Variants in SLC13A3 observed in about 807,000 individuals in gnomAD.
The protein encoded by SLC13A3 is solute carrier family 13 member 3, also known as Na(+)/dicarboxylate cotransporter 3.
Under a neutral mutation model 59.0 loss-of-function variants are expected in SLC13A3, and 40 were observed. The ratio of observed to expected loss-of-function variants is 0.68; its 90% CI spans 0.53 to 0.88. The LOEUF is 0.88. SLC13A3 is among the 40% of genes least tolerant of loss of function. The probability of loss-of-function intolerance (pLI) is 0.00; values close to 1 mark genes in which losing one functional copy is unlikely to be tolerated. For missense variants in SLC13A3, 699 were observed against 783.2 expected, an observed-to-expected ratio of 0.89 and a Z score of 1.28; for synonymous variants, 317 against 330.3, an observed-to-expected ratio of 0.96 and a Z score of 0.44.
chr20:46,573,108 C>T (rs1480231273), intron 10 of SLC13A3, among the ~76,000 whole-genome samples: 1 of 152,168 alleles, frequency 6.6e-6, no homozygotes, highest in Admixed American at 6.5e-5. Context: ...TTCCTTTGTT[C>T]CCTTTGAAGT....
At chr20:46,621,034 G>GAACT (rs1568941032) in intron 1 of SLC13A3, among the ~76,000 whole-genome samples, 1 of 152,206 alleles carries the variant, frequency 6.6e-6, no homozygotes, top group East Asian at 1.9e-4. Flanking sequence ...AAGCAAAAGT[G>GAACT]AACTGGTCAA....
intron 1 of SLC13A3, among the ~76,000 whole-genome samples, chr20:46,650,028 C>A (rs1438162601): frequency 6.6e-6 from 1 of 152,096 alleles, no homozygotes; most frequent in African/African-American, 2.4e-5. Context: ...ACATTTAATA[C>A]CTCACTGAGA....
chr20:46,614,689 AC>A (rs2062537894), intron 1 of SLC13A3, among the ~76,000 whole-genome samples: 2 of 152,240 alleles, frequency 1.3e-5, no homozygotes, highest in South Asian at 4.2e-4. Flanking sequence ...TATGATTATT[AC>A]CCCCATTTGA....
intron 4 of SLC13A3, among the ~76,000 whole-genome samples, chr20:46,598,692 T>G (rs929357759): frequency 1.3e-5 from 2 of 152,166 alleles, no homozygotes; most frequent in Non-Finnish European, 2.9e-5. Flanking sequence ...CATAAGGTCA[T>G]GCCCCTCTCC....
chr20:46,627,837 C>G (rs1179837400), intron 1 of SLC13A3, among the ~76,000 whole-genome samples: 1 of 152,118 alleles, frequency 6.6e-6, no homozygotes, highest in Admixed American at 6.5e-5. Context: ...TACTGAAAAC[C>G]CCTGCTCCAT....
chr20:46,644,869 G>A (rs1053616748), intron 1 of SLC13A3, among the ~76,000 whole-genome samples: 27 of 152,306 alleles, frequency 1.8e-4, no homozygotes, highest in African/African-American at 6.5e-4. Flanking sequence ...CTTCCCAGCC[G>A]CTCCTGGGAG....
At chr20:46,671,698 C>G (rs2063093108), upstream of SLC13A3, among the ~76,000 whole-genome samples, 1 of 152,130 alleles carries the variant, frequency 6.6e-6, no homozygotes, top group African/African-American at 2.4e-5. Context: ...TCAGGCAAGA[C>G]AAAGTCTCTG....
At chr20:46,617,588 TTGTGTGTGTGTGTGTGTGTGCGTGTG>T (rs897408329) in intron 1 of SLC13A3, among the ~76,000 whole-genome samples, 1 of 106,238 alleles carries the variant, frequency 9.4e-6, no homozygotes, top group African/African-American at 3.5e-5. Flanking sequence ...TCTGAAAAAC[TTGTGTGTGTGTGTGTGTGTGCGTGTG>T]TGTGTGTGTG....
intron 2 of SLC13A3, among the ~76,000 whole-genome samples, chr20:46,611,086 A>T (rs925795038): frequency 1.3e-5 from 2 of 152,036 alleles, no homozygotes; most frequent in Admixed American, 6.6e-5. Flanking sequence ...GAATCTAAGT[A>T]TCAGGATTTT....
At position 46,573,477 on chromosome 20, in the gene SLC13A3, C is replaced by T. The variant is rs181307076; in HGVS notation, c.1332+2096G>A. ...TGCACTCTCCTGCTTCCTTCCTCTC[C>T]CTTCCACAGTGACCCCAAGGGCACA... On this transcript the variant is annotated intron_variant, in intron 10 of 12. Coordinates refer to ENST00000279027, the MANE Select transcript of SLC13A3 (RefSeq NM_022829.6). Among the ~76,000 whole-genome samples the T allele has an allele frequency of 2.2e-3, 340 of 152,324 alleles. 1 individual carries two copies. Among genetic ancestry groups the T allele is most frequent in the African/African-American group, 7.6e-3 (317 of 41,564 alleles).
intron 1 of SLC13A3, among the ~76,000 whole-genome samples, chr20:46,678,436 A>C (rs777110560): frequency 1.3e-5 from 2 of 152,168 alleles, no homozygotes; most frequent in African/African-American, 2.4e-5. Flanking sequence ...CTGTGCATAT[A>C]ATAAGTCCAG....
intron 11 of SLC13A3, among the ~76,000 whole-genome samples, chr20:46,565,689 G>A (rs182492179): frequency 6.6e-6 from 1 of 152,304 alleles, no homozygotes; most frequent in Non-Finnish European, 1.5e-5. Flanking sequence ...TTCCCCTGAC[G>A]GGGATATTTG....
intron 12 of SLC13A3, among the ~76,000 whole-genome samples, chr20:46,562,336 G>T (rs2061938437): frequency 6.6e-6 from 1 of 152,136 alleles, no homozygotes; most frequent in Non-Finnish European, 1.5e-5. Flanking sequence ...TCCTGGCCCT[G>T]AATTTCTGGA....
chr20:46,560,230 A>T, intron 12 of SLC13A3, 32 bp from the exon 13 acceptor site: 1 of 1,605,362 alleles, frequency 6.2e-7, no homozygotes. Context: ...GGGAGGGGTC[A>T]GCACCTGACC....
chr20:46,594,572 C>G (rs2062291241), intron 5 of SLC13A3, among the ~76,000 whole-genome samples: 1 of 152,190 alleles, frequency 6.6e-6, no homozygotes, highest in African/African-American at 2.4e-5. Flanking sequence ...AGATCCTCCC[C>G]ACACCTGAAG....
At chr20:46,595,562 C>G (rs1183507034) in intron 5 of SLC13A3, among the ~76,000 whole-genome samples, 2 of 152,200 alleles carry the variant, frequency 1.3e-5, no homozygotes, top group East Asian at 3.8e-4. Flanking sequence ...GATCACTCCT[C>G]TGCTGTGACC....
chr20:46,613,909 G>A (rs1018992550), intron 1 of SLC13A3, 184 bp from the exon 2 acceptor site: 5 of 534,946 alleles, frequency 9.3e-6, no homozygotes, highest in Admixed American at 3.5e-5. Flanking sequence ...TGCCTAAGGC[G>A]TTGACTTAAA....
rs1600530518 is a variant in SLC13A3 at position 46,593,011 on chromosome 20, C to G, written c.795-482G>C. 3.3e-5 allele frequency among the ~76,000 whole-genome samples: 5 copies of G among 152,330 alleles called. No individual in the cohort carries two copies. The East Asian group carries it at 9.6e-4, about 29-fold the overall frequency. Reference sequence around the variant, plus strand: ...GAGTCACATATAACACATCTGCAGGCTGAAACCTTTGCCCTCCTTATTACA... The same window carrying G: ...GAGTCACATATAACACATCTGCAGGGTGAAACCTTTGCCCTCCTTATTACA... On this transcript the variant is annotated intron_variant, in intron 5 of 12. Transcript: ENST00000279027.
intron 9 of SLC13A3, chr20:46,582,886 G>A: frequency 1.0e-6 from 1 of 985,398 alleles, no homozygotes; most frequent in Non-Finnish European, 1.2e-6. Context: ...GTCGCAAGCT[G>A]GCAATCTGAA....
Sources: gnomAD v4.1 joint callset for allele counts (sites outside exome capture counted in the v4.1 genomes callset) on GRCh38, gnomAD v4.1.1 for gene constraint, MANE v1.5 for transcripts, NCBI Gene and HGNC (gene_info 2026-07-23, HGNC 2026-07-21) for gene names.